GDE1: variants seen among roughly 807,000 people sequenced by gnomAD.
The protein encoded by GDE1 is glycerophosphodiester phosphodiesterase 1.
In GDE1, 24 loss-of-function variants were observed where a neutral mutation model predicts 32.2. The observed-to-expected ratio is 0.75, with a 90% confidence interval of 0.54 to 1.05. The LOEUF (loss-of-function observed/expected upper bound fraction) is 1.05. Ranked by LOEUF, GDE1 falls within the 50% of genes least tolerant of loss-of-function variation. The pLI is 0.00. For missense variants in GDE1, 380 were observed against 415.0 expected, an observed-to-expected ratio of 0.92 and a Z score of 0.73; for synonymous variants, 159 against 158.6, an observed-to-expected ratio of 1.00 and a Z score of -0.02.
intron 2 of GDE1, 118 bp downstream of exon 2, chr16:19,516,896 G>A (rs1969386884): frequency 5.9e-6 from 5 of 851,632 alleles, no homozygotes; most frequent in East Asian, 2.5e-5. Context: ...CAAGACCTAC[G>A]TACAGTTCAA....
At chr16:19,506,550 G>T (rs1969249619) in intron 4 of GDE1, among the ~76,000 whole-genome samples, 1 of 152,118 alleles carries the variant, frequency 6.6e-6, no homozygotes, top group Admixed American at 6.5e-5. Context: ...TACTCAGGAG[G>T]CTGAGGCAAG....
intron 2 of GDE1, among the ~76,000 whole-genome samples, chr16:19,514,887 C>T (rs1000696908): frequency 6.6e-6 from 1 of 151,732 alleles, no homozygotes; most frequent in African/African-American, 2.4e-5. Flanking sequence ...GCCAACATGG[C>T]GAAACCCCGT....
intron 2 of GDE1, among the ~76,000 whole-genome samples, chr16:19,511,248 G>A (rs1261650696): frequency 4.0e-5 from 6 of 151,884 alleles, no homozygotes; most frequent in East Asian, 3.9e-4. Context: ...GACTACAGGC[G>A]TGTGACACCA....
chr16:19,503,512 A>G lies in GDE1; in HGVS notation c.954T>C (p.Tyr318=), dbSNP rs1484647540. 6.2e-7 allele frequency: 1 copy of G among 1,613,800 alleles called. No homozygotes were observed. Among genetic ancestry groups the G allele is most frequent in the Middle Eastern group, 1.6e-4 (1 of 6,084 alleles). The part of the protein sequence containing the change: ...SYYESHLGSS[Y]ITDSMVEDCE... ...AGTCTTCTACCATGCTGTCAGTGAT[A>G]TAGCTGGAACCAAGATGGGATTCGT... Residue 318 remains tyrosine, a synonymous_variant, in exon 6 of 6, where the codon TAT becomes TAC. Coordinates refer to ENST00000353258, the MANE Select transcript of GDE1 (RefSeq NM_016641.4).
rs1390375704 is a variant in GDE1 at position 19,502,692 on chromosome 16, C to T, written c.*778G>A. 6.6e-6 allele frequency: 1 copy of T among 152,176 alleles called. No individual in the cohort carries two copies. The highest frequency in any genetic ancestry group is 1.5e-5 in the Non-Finnish European group (1 of 68,044). The allele number at this position is 152,176 out of a possible 1,614,324, so 9.4% of individuals were successfully genotyped here. On this transcript the variant is annotated 3_prime_UTR_variant, in exon 6 of 6. Coordinates refer to ENST00000353258, the MANE Select transcript of GDE1 (RefSeq NM_016641.4). ...GACTTTTGAGGCAACCCCTTCCCTT[C>T]CACAGAGTTTAGTTTCCTCATTTGT...
intron 1 of GDE1, among the ~76,000 whole-genome samples, chr16:19,517,442 G>C (rs144856587): frequency 0.011 from 1,718 of 152,250 alleles, 35 homozygotes; most frequent in African/African-American, 0.038. Flanking sequence ...TGGAAGACTA[G>C]GAGACTTCAG....
chr16:19,510,526 G>T (rs898004012), intron 3 of GDE1, among the ~76,000 whole-genome samples: 1 of 151,668 alleles, frequency 6.6e-6, no homozygotes, highest in African/African-American at 2.4e-5. Context: ...TACTACAGTG[G>T]TTTTTTTCTA....
chr16:19,507,856 T>C, intron 3 of GDE1, 77 bp from the exon 4 acceptor site: 1 of 709,832 alleles, frequency 1.4e-6, no homozygotes, highest in Non-Finnish European at 2.5e-6. Flanking sequence ...CTATCACATA[T>C]TAAGTACAAC....
chr16:19,520,338 G>T (rs930015477), intron 1 of GDE1, among the ~76,000 whole-genome samples: 1 of 151,404 alleles, frequency 6.6e-6, no homozygotes, highest in African/African-American at 2.4e-5. Flanking sequence ...GGATACAGAG[G>T]TTGCAGTGAG....
Position 19,521,909 on chromosome 16 carries a change from A to G in GDE1, c.56T>C (p.Leu19Pro). 6.3e-7 allele frequency: 1 copy of G among 1,594,668 alleles called. No homozygotes were observed. Among genetic ancestry groups the G allele is most frequent in the African/African-American group, 1.3e-5 (1 of 74,868 alleles). Residue 19 changes from leucine (L) to proline (P), a missense_variant, in exon 1 of 6, where the codon CTA becomes CCA. Physicochemically the swap from Leu to Pro is moderately conservative, Grantham distance 98 (BLOSUM62 -3). Transcript: ENST00000353258. ...GCTCCGCGTCACCAGCAGCAGCACTAGCAGCAGGAAGGAGAAAGGGCCCAG... is the reference window on the plus strand; with the variant it reads ...GCTCCGCGTCACCAGCAGCAGCACTGGCAGCAGGAAGGAGAAAGGGCCCAG... Reference protein sequence around the residue: ...GLLGPFSFLLLVLLLVTRSPV... With the variant: ...GLLGPFSFLLPVLLLVTRSPV...
At chr16:19,515,364 G>C (rs1434350135) in intron 2 of GDE1, among the ~76,000 whole-genome samples, 3 of 152,164 alleles carry the variant, frequency 2.0e-5, no homozygotes, top group Admixed American at 6.5e-5. Context: ...GCAAAGACTG[G>C]TTGTGTTAAA....
In GDE1 at chr16:19,502,976, T is replaced by C. The variant is rs540454479; in HGVS notation, c.*494A>G. The stretch of plus-strand genomic sequence containing the variant: ...AAATTCCGTATGCCTTAGGATATGA[T>C]GCTTGGCACACAGTTTTCCTTTAGT... On this transcript the variant is annotated 3_prime_UTR_variant, in exon 6 of 6. Transcript: ENST00000353258. 3 of 153,612 alleles carry C rather than the reference T, an allele frequency of 2.0e-5. No individual in the cohort carries two copies. Among genetic ancestry groups the C allele is most frequent in the South Asian group, 4.1e-4 (2 of 4,928 alleles). The allele number at this position is 153,612 out of a possible 1,614,324, so 9.5% of individuals were successfully genotyped here.
chr16:19,507,581 C>A, intron 4 of GDE1, 106 bp downstream of exon 4: 4 of 702,988 alleles, frequency 5.7e-6, no homozygotes, highest in Middle Eastern at 2.5e-4. Context: ...CAACTGTGAC[C>A]CTGATGCAGT....
Position 19,522,025 on chromosome 16 carries a change from A to G in GDE1, c.-61T>C. On this transcript the variant is annotated 5_prime_UTR_variant, in exon 1 of 6. Coordinates refer to ENST00000353258, the MANE Select transcript of GDE1 (RefSeq NM_016641.4). ...ACCCGCCGGGCTCCTGGGGCAGTAGAACGAGAAGCGAGGGGGAGGGTCCAA... is the reference window on the plus strand; with the variant it reads ...ACCCGCCGGGCTCCTGGGGCAGTAGGACGAGAAGCGAGGGGGAGGGTCCAA... The G allele has an allele frequency of 6.7e-7, 1 of 1,483,590 alleles. No individual in the cohort carries two copies. Among genetic ancestry groups the G allele is most frequent in the African/African-American group, 1.4e-5 (1 of 71,282 alleles). 91.9% of individuals were successfully genotyped at this position (1,483,590 alleles called of 1,614,324 possible). A position where few individuals can be genotyped will look rare whatever the true frequency, so the allele number is the denominator to read the frequency against.
intron 3 of GDE1, 121 bp downstream of exon 3, chr16:19,510,718 T>C (rs900018505): frequency 8.4e-6 from 4 of 475,048 alleles, no homozygotes; most frequent in African/African-American, 8.0e-5. Flanking sequence ...ATTAAACAAA[T>C]ACAATTTATA....
chr16:19,510,752 ATAAC>A (rs1293475568), intron 3 of GDE1, 83 bp downstream of exon 3: 1 of 593,900 alleles, frequency 1.7e-6, no homozygotes, highest in Non-Finnish European at 3.0e-6. Context: ...AAAAGAATAA[ATAAC>A]AAAATATATG....
intron 3 of GDE1, among the ~76,000 whole-genome samples, chr16:19,509,142 A>G (rs767764172): frequency 7.2e-5 from 11 of 152,214 alleles, no homozygotes; most frequent in Non-Finnish European, 1.3e-4. Flanking sequence ...TCTCTACTAA[A>G]TATACAAAAA....
intron 1 of GDE1, 129 bp from the exon 2 acceptor site, chr16:19,517,318 C>G: frequency 1.5e-6 from 1 of 680,026 alleles, no homozygotes; most frequent in South Asian, 1.8e-5. Context: ...CCACTTCCCC[C>G]ACCAAACAGC....
At chr16:19,517,892 T>TC (rs1345103890) in intron 1 of GDE1, among the ~76,000 whole-genome samples, 6 of 150,296 alleles carry the variant, frequency 4.0e-5, no homozygotes, top group African/African-American at 7.3e-5. Flanking sequence ...TTTCTTTCTT[T>TC]TTTTTTTTTT....
Sources: allele counts gnomAD v4.1 joint callset (sites outside exome capture counted in the v4.1 genomes callset), GRCh38; gene constraint gnomAD v4.1.1; transcripts MANE v1.5; gene names NCBI Gene and HGNC (gene_info 2026-07-23, HGNC 2026-07-21).